The following ARHGAP17 variants were observed in gnomAD, a reference collection of about 807,000 sequenced individuals.
The protein encoded by ARHGAP17 is rho GTPase-activating protein 17.
Under a neutral mutation model 99.5 loss-of-function variants are expected in ARHGAP17, and 57 were observed. The ratio of observed to expected loss-of-function variants is 0.57; its 90% CI spans 0.46 to 0.71. The LOEUF is 0.71. Ranked by LOEUF, ARHGAP17 falls within the 30% of genes least tolerant of loss-of-function variation. ARHGAP17 has a pLI of 0.00. For missense variants in ARHGAP17, 1,000 were observed against 1,122.4 expected, an observed-to-expected ratio of 0.89 and a Z score of 1.56; for synonymous variants, 417 against 429.6, an observed-to-expected ratio of 0.97 and a Z score of 0.36.
Position 24,920,286 on chromosome 16 carries a change from G to A in ARHGAP17, c.2516-26C>T, listed in dbSNP as rs544029378. ...CTGGACAAAAACACGAGGAGACATG[G>A]TATCAATGAGGGGTAACCCCCGAGA... On this transcript the variant is annotated intron_variant, in intron 19 of 19. Transcript: ENST00000289968. 19 of 1,613,182 alleles carry A rather than the reference G, an allele frequency of 1.2e-5. No individual in the cohort carries two copies. In the East Asian group the frequency reaches 4.0e-4, roughly 34 times the overall value.
chr16:24,983,530 C>T (rs963826939), intron 1 of ARHGAP17, among the ~76,000 whole-genome samples: 1 of 152,120 alleles, frequency 6.6e-6, no homozygotes, highest in African/African-American at 2.4e-5. Context: ...GTCTCAAACT[C>T]CTGAGCTCAA....
intron 18 of ARHGAP17, among the ~76,000 whole-genome samples, chr16:24,933,899 GAA>G (rs2051063515): frequency 6.6e-6 from 1 of 152,290 alleles, no homozygotes; most frequent in South Asian, 2.1e-4. Context: ...CGGCTATAAG[GAA>G]AAGAGTCTTC....
chr16:24,949,874 CA>C (rs545345039), intron 12 of ARHGAP17, among the ~76,000 whole-genome samples: 7 of 152,212 alleles, frequency 4.6e-5, no homozygotes, highest in Non-Finnish European at 1.0e-4. Context: ...AGCCACAGAT[CA>C]GGGGGCTGAG....
chr16:24,946,333 G>A (rs776050715), intron 14 of ARHGAP17, among the ~76,000 whole-genome samples: 5 of 151,726 alleles, frequency 3.3e-5, no homozygotes, highest in Non-Finnish European at 7.4e-5. Flanking sequence ...GAAGCCACGT[G>A]ACATGCCCAT....
chr16:24,973,388 C>T (rs1288519364), intron 3 of ARHGAP17, among the ~76,000 whole-genome samples: 1 of 152,144 alleles, frequency 6.6e-6, no homozygotes, highest in African/African-American at 2.4e-5. Flanking sequence ...GCCCTGGAGA[C>T]TGCTGCAATT....
chr16:24,933,899 G>GA (rs2051063515), intron 18 of ARHGAP17, among the ~76,000 whole-genome samples: 1 of 152,172 alleles, frequency 6.6e-6, no homozygotes, highest in East Asian at 1.9e-4. Context: ...CGGCTATAAG[G>GA]AAAAGAGTCT....
At chr16:24,974,662 G>T (rs1045610020) in intron 3 of ARHGAP17, among the ~76,000 whole-genome samples, 1 of 152,066 alleles carries the variant, frequency 6.6e-6, no homozygotes, top group African/African-American at 2.4e-5. Context: ...TCAGGTTGAA[G>T]ACAGACTGGA....
chr16:24,970,388 C>A (rs578047791), intron 4 of ARHGAP17, 119 bp downstream of exon 4: 14 of 952,132 alleles, frequency 1.5e-5, no homozygotes, highest in Middle Eastern at 2.4e-4. Flanking sequence ...GGTCTCCTAG[C>A]GGATGAGCCA....
chr16:24,932,530 CT>C (rs989191560), intron 18 of ARHGAP17, among the ~76,000 whole-genome samples: 23 of 152,162 alleles, frequency 1.5e-4, no homozygotes, highest in African/African-American at 5.5e-4. Flanking sequence ...AACATGACCC[CT>C]GATCCCAAGC....
chr16:24,977,786 G>A (rs1297388713), intron 2 of ARHGAP17, among the ~76,000 whole-genome samples: 3 of 152,048 alleles, frequency 2.0e-5, no homozygotes, highest in Non-Finnish European at 4.4e-5. Context: ...GGGGACCCAC[G>A]CATCATAAGC....
chr16:24,997,228 A>G (rs2053221104), intron 1 of ARHGAP17, among the ~76,000 whole-genome samples: 1 of 151,958 alleles, frequency 6.6e-6, no homozygotes, highest in African/African-American at 2.4e-5. Context: ...CCAGATGCAC[A>G]TTCTCTATCA....
chr16:24,945,927 A>C (rs749254406), intron 14 of ARHGAP17, among the ~76,000 whole-genome samples: 6 of 152,210 alleles, frequency 3.9e-5, no homozygotes, highest in Non-Finnish European at 7.3e-5. Context: ...TCTAAGAGTC[A>C]GCGTCCTCAT....
chr16:24,983,588 C>T (rs745381629), intron 1 of ARHGAP17, among the ~76,000 whole-genome samples: 3 of 152,186 alleles, frequency 2.0e-5, no homozygotes, highest in East Asian at 3.8e-4. Flanking sequence ...TGAGCCACTG[C>T]GCCCAGCCTA....
intron 1 of ARHGAP17, among the ~76,000 whole-genome samples, chr16:25,011,654 G>A (rs146427612): frequency 7.3e-4 from 109 of 150,292 alleles, no homozygotes; most frequent in African/African-American, 2.5e-3. Context: ...GCAGTGAGCC[G>A]CGCCACTACA....
At chr16:24,960,723 A>AG (rs1754078859) in intron 7 of ARHGAP17, among the ~76,000 whole-genome samples, 3 of 147,632 alleles carry the variant, frequency 2.0e-5, no homozygotes, top group African/African-American at 7.5e-5. Flanking sequence ...AGGCTGAGGC[A>AG]GGAGAATGGT....
Position 24,979,009 on chromosome 16 carries a change from T to C in ARHGAP17, c.54-4A>G, listed in dbSNP as rs770119788. The C allele has an allele frequency of 8.2e-6, 13 of 1,580,150 alleles. No homozygotes were observed. Among genetic ancestry groups the C allele is most frequent in the Non-Finnish European group, 1.1e-5 (13 of 1,166,266 alleles). ...AAGGACTTCTGTTTTCTCAGCTCTG[T>C]GGGAAAAATTAAAAATTCAGAGTTA... On this transcript the variant is annotated splice_polypyrimidine_tract_variant and splice_region_variant and intron_variant, in intron 1 of 19. Coordinates refer to ENST00000289968, the MANE Select transcript of ARHGAP17 (RefSeq NM_001006634.3).
chr16:25,002,381 C>T (rs1163583915), intron 1 of ARHGAP17, among the ~76,000 whole-genome samples: 1 of 152,170 alleles, frequency 6.6e-6, no homozygotes, highest in Non-Finnish European at 1.5e-5. Flanking sequence ...GCCGTCATCA[C>T]CTCTCTGAGC....
At chr16:24,997,133 G>C (rs895416385) in intron 1 of ARHGAP17, among the ~76,000 whole-genome samples, 20 of 152,124 alleles carry the variant, frequency 1.3e-4, no homozygotes, top group Non-Finnish European at 2.9e-4. Flanking sequence ...TTAGCACTTG[G>C]ACTGGTGCAA....
At chr16:25,006,797 A>C (rs1597494086) in intron 1 of ARHGAP17, among the ~76,000 whole-genome samples, 1 of 152,210 alleles carries the variant, frequency 6.6e-6, no homozygotes, top group South Asian at 2.1e-4. Flanking sequence ...AAATGAAGCC[A>C]ATTTGAGGAA....
Sources: gnomAD v4.1 joint callset for allele counts (sites outside exome capture counted in the v4.1 genomes callset) on GRCh38, gnomAD v4.1.1 for gene constraint, MANE v1.5 for transcripts, NCBI Gene and HGNC (gene_info 2026-07-23, HGNC 2026-07-21) for gene names.